Variants in KAZN observed in about 807,000 individuals in gnomAD.
KAZN encodes kazrin, periplakin interacting protein.
In KAZN, 40 loss-of-function variants were observed where a neutral mutation model predicts 87.4. The ratio of observed to expected loss-of-function variants is 0.46; its 90% CI spans 0.36 to 0.60. The LOEUF is 0.60. KAZN is among the 20% of genes least tolerant of loss of function. The pLI, the probability that KAZN is intolerant of heterozygous loss-of-function variation, is 0.00. For missense variants in KAZN, 898 were observed against 1,073.9 expected, an observed-to-expected ratio of 0.84 and a Z score of 2.29; for synonymous variants, 466 against 458.3, an observed-to-expected ratio of 1.02 and a Z score of -0.22.
intron 8 of KAZN, chr1:15,068,066 C>A (rs1022268758): frequency 1.1e-5 from 10 of 872,658 alleles, no homozygotes; most frequent in Non-Finnish European, 1.2e-5. Context: ...CGAAAATAAC[C>A]TTTCCCGTGG....
rs547660875 is a variant in KAZN at position 15,110,073 on chromosome 1, GTGTA to G, written c.2049-2350_2049-2347del. Among the ~76,000 whole-genome samples, 91 of 151,018 alleles carry G rather than the reference GTGTA, an allele frequency of 6.0e-4. No homozygotes were observed. In the East Asian group the frequency reaches 0.012, roughly 20 times the overall value. ...TATATGTGCGTGTGTGTGCCTGTGTGTGTATGTGTGTATATGTATGTGTGTATGT... is the reference window on the plus strand; with the variant it reads ...TATATGTGCGTGTGTGTGCCTGTGTGTGTGTGTATATGTATGTGTGTATGT... On this transcript the variant is annotated intron_variant, in intron 13 of 14. Coordinates refer to ENST00000376030, the MANE Select transcript of KAZN (RefSeq NM_201628.3).
chr1:14,858,214 C>CTTTTTTTTTTTT (rs71000342), intron 1 of KAZN, among the ~76,000 whole-genome samples: 4 of 117,028 alleles, frequency 3.4e-5, no homozygotes, highest in Non-Finnish European at 5.1e-5. Flanking sequence ...TTTTTCTTTT[C>CTTTTTTTTTTTT]TTTTTTTTTT....
chr1:14,980,765 G>A (rs1342735567), intron 2 of KAZN, among the ~76,000 whole-genome samples: 1 of 152,150 alleles, frequency 6.6e-6, no homozygotes, highest in South Asian at 2.1e-4. Context: ...GCAGGAAGCC[G>A]AGGCAGAGAA....
At chr1:14,165,177 G>A (rs764227018) in intron 1 of KAZN, among the ~76,000 whole-genome samples, 1 of 151,750 alleles carries the variant, frequency 6.6e-6, no homozygotes, top group African/African-American at 2.4e-5. Flanking sequence ...TGTGAGCTAT[G>A]GCTTTCAACT....
chr1:13,893,668 GGAA>G, exon 1 of KAZN: 1 of 1,550,470 alleles, frequency 6.4e-7, no homozygotes, highest in Non-Finnish European at 8.7e-7. Context: ...AAAGAGCCAT[GGAA>G]TCCACGCTGG....
intron 1 of KAZN, among the ~76,000 whole-genome samples, chr1:14,821,042 G>A (rs1646724271): frequency 6.6e-6 from 1 of 152,176 alleles, no homozygotes; most frequent in African/African-American, 2.4e-5. Flanking sequence ...TTCTGAGTCT[G>A]GATGCCTGAA....
chr1:14,528,612 C>G (rs1432088736), intron 2 of KAZN, among the ~76,000 whole-genome samples: 1 of 151,244 alleles, frequency 6.6e-6, no homozygotes, highest in East Asian at 2.0e-4. Flanking sequence ...AGGTTGGCGT[C>G]GTGGCACATG....
intron 1 of KAZN, among the ~76,000 whole-genome samples, chr1:14,095,764 T>C (rs1644113175): frequency 1.3e-5 from 2 of 151,964 alleles, no homozygotes; most frequent in African/African-American, 2.4e-5. Context: ...GTTCCCAGGG[T>C]GAATGTTCCA....
At chr1:14,979,820 T>G (rs1394847086) in intron 2 of KAZN, among the ~76,000 whole-genome samples, 1 of 152,172 alleles carries the variant, frequency 6.6e-6, no homozygotes, top group Non-Finnish European at 1.5e-5. Flanking sequence ...ACCTACCCCT[T>G]GGTTGTGAAG....
intron 2 of KAZN, among the ~76,000 whole-genome samples, chr1:14,429,845 C>A (rs888155284): frequency 1.3e-5 from 2 of 152,108 alleles, no homozygotes; most frequent in African/African-American, 4.8e-5. Context: ...GAACTGACTT[C>A]CCAAGTTCTT....
At chr1:14,569,377 C>T (rs942594905) in intron 2 of KAZN, among the ~76,000 whole-genome samples, 2 of 132,688 alleles carry the variant, frequency 1.5e-5, no homozygotes, top group Non-Finnish European at 3.0e-5. Context: ...GGCTGGAGTG[C>T]AGTGGCGAGA....
intron 2 of KAZN, among the ~76,000 whole-genome samples, chr1:14,548,567 A>G (rs1203941022): frequency 6.6e-6 from 1 of 152,138 alleles, no homozygotes; most frequent in Non-Finnish European, 1.5e-5. Context: ...TCTATTTTAC[A>G]TATCTTGAAT....
intron 1 of KAZN, among the ~76,000 whole-genome samples, chr1:14,164,958 C>T (rs1033072097): frequency 2.0e-5 from 3 of 152,158 alleles, no homozygotes; most frequent in Admixed American, 6.5e-5. Flanking sequence ...TGGAAAGTTG[C>T]GGATCCTCTT....
chr1:14,114,569 TA>T (rs1315445710), intron 1 of KAZN, among the ~76,000 whole-genome samples: 3 of 152,104 alleles, frequency 2.0e-5, no homozygotes, highest in African/African-American at 7.2e-5. Context: ...TTTCACTCTG[TA>T]TTTGAAAAGC....
chr1:14,763,147 G>A (rs1451201097), intron 1 of KAZN, among the ~76,000 whole-genome samples: 1 of 152,222 alleles, frequency 6.6e-6, no homozygotes, highest in African/African-American at 2.4e-5. Flanking sequence ...AGTCATGCCA[G>A]TAGGCCAACA....
chr1:14,538,566 G>C (rs1672631621), intron 2 of KAZN, among the ~76,000 whole-genome samples: 1 of 152,150 alleles, frequency 6.6e-6, no homozygotes, highest in African/African-American at 2.4e-5. Flanking sequence ...TTTCATAAAA[G>C]CCTTAATCCC....
In KAZN at chr1:14,072,208, G is replaced by A. The variant is rs566627948; in HGVS notation, c.92-108227G>A. Among the ~76,000 whole-genome samples, 12 of 152,280 alleles carry A rather than the reference G, an allele frequency of 7.9e-5. No individual in the cohort carries two copies. The South Asian group carries it at 2.1e-3, about 26-fold the overall frequency. On this transcript the variant is annotated intron_variant, in intron 1 of 16. Transcript: ENST00000636203. ...CATTATAAAGTTGTCTTTTTGCACA[G>A]GGCCTAGTGCGATGAGTGCTCAGTT... is the stretch of plus-strand genomic sequence containing the variant.
chr1:13,929,047 C>CTTTTTTTTTT (rs33984927), intron 1 of KAZN, among the ~76,000 whole-genome samples: 4 of 101,540 alleles, frequency 3.9e-5, no homozygotes, highest in East Asian at 2.7e-4. Flanking sequence ...AGCTTCAAGG[C>CTTTTTTTTTT]TTTTTTTTTT....
intron 2 of KAZN, among the ~76,000 whole-genome samples, chr1:14,548,788 A>AT (rs60005057): frequency 0.5 from 75,524 of 151,864 alleles, 19,226 homozygotes; most frequent in South Asian, 0.6. Context: ...TGCTGTGAAC[A>AT]TTCTTTCGTT....
Sources: gnomAD v4.1 joint callset for allele counts (sites outside exome capture counted in the v4.1 genomes callset) on GRCh38, gnomAD v4.1.1 for gene constraint, MANE v1.5 for transcripts, NCBI Gene and HGNC (gene_info 2026-07-23, HGNC 2026-07-21) for gene names.